The following ADAMTS17 variants were observed in gnomAD, a reference collection of about 807,000 sequenced individuals.
ADAMTS17 encodes ADAM metallopeptidase with thrombospondin type 1 motif 17, also known as A disintegrin and metalloproteinase with thrombospondin motifs 17.
In ADAMTS17, 113 loss-of-function variants were observed where a neutral mutation model predicts 141.5. The ratio of observed to expected loss-of-function variants is 0.80; its 90% CI spans 0.69 to 0.93. ADAMTS17 has a LOEUF of 0.93. ADAMTS17 is among the 40% of genes least tolerant of loss of function. The pLI is 0.00. For synonymous variants in ADAMTS17, 768 were observed against 630.6 expected, an observed-to-expected ratio of 1.22 and a Z score of -3.27; for missense variants, 1,659 against 1,517.9, an observed-to-expected ratio of 1.09 and a Z score of -1.54.
At chr15:100,294,059 C>T (rs72757226) in intron 3 of ADAMTS17, among the ~76,000 whole-genome samples, 2,787 of 152,228 alleles carry the variant, frequency 0.018, 42 homozygotes, top group Non-Finnish European at 0.029. Flanking sequence ...GATAATCGTT[C>T]TGCCCTCTTA....
At chr15:100,207,331 T>C (rs2141690447) in intron 7 of ADAMTS17, among the ~76,000 whole-genome samples, 1 of 152,292 alleles carries the variant, frequency 6.6e-6, no homozygotes, top group South Asian at 2.1e-4. Context: ...ACTGCGGAGT[T>C]CCAGCTTCCA....
chr15:100,269,212 G>C (rs1483913626), intron 4 of ADAMTS17, among the ~76,000 whole-genome samples: 1 of 152,158 alleles, frequency 6.6e-6, no homozygotes, highest in Non-Finnish European at 1.5e-5. Flanking sequence ...CTGGACAGCA[G>C]CCTTGGTAAA....
Position 100,132,175 on chromosome 15 carries a change from G to A in ADAMTS17, c.1576-23C>T, listed in dbSNP as rs138221264. On this transcript the variant is annotated intron_variant, in intron 11 of 21. Coordinates refer to ENST00000268070, the MANE Select transcript of ADAMTS17 (RefSeq NM_139057.4). ...CCACTGAAACACAGCGGGGAGGGTC[G>A]GGGCCCAGGCACTCAGCAGAGCTGC... 2,718 of 1,610,376 alleles carry A rather than the reference G, an allele frequency of 1.7e-3. 31 individuals are homozygous for A. The Admixed American group carries it at 0.018, about 11-fold the overall frequency.
intron 7 of ADAMTS17, among the ~76,000 whole-genome samples, chr15:100,240,477 G>C (rs542547822): frequency 6.6e-6 from 1 of 152,324 alleles, no homozygotes; most frequent in East Asian, 1.9e-4. Flanking sequence ...CTCTGCCAAA[G>C]AGCAAGACAT....
intron 20 of ADAMTS17, among the ~76,000 whole-genome samples, chr15:99,981,871 T>C (rs887055145): frequency 6.6e-6 from 1 of 152,218 alleles, no homozygotes; most frequent in African/African-American, 2.4e-5. Flanking sequence ...CATTTTCATT[T>C]GAGCTGAGGT....
At chr15:100,127,535 G>A (rs972612656) in intron 12 of ADAMTS17, among the ~76,000 whole-genome samples, 2 of 152,232 alleles carry the variant, frequency 1.3e-5, no homozygotes, top group Non-Finnish European at 2.9e-5. Flanking sequence ...CCTCGTGTGT[G>A]ACGTTGGGCA....
chr15:100,271,104 T>C (rs1405119280), intron 4 of ADAMTS17, among the ~76,000 whole-genome samples: 1 of 152,158 alleles, frequency 6.6e-6, no homozygotes, highest in African/African-American at 2.4e-5. Flanking sequence ...TGAATAATAT[T>C]CCATTATACC....
At chr15:100,269,911 C>G (rs2043845924) in intron 4 of ADAMTS17, among the ~76,000 whole-genome samples, 1 of 152,204 alleles carries the variant, frequency 6.6e-6, no homozygotes, top group South Asian at 2.1e-4. Flanking sequence ...TCAGCCAGCC[C>G]AGATCCAGCC....
rs74037589 is a variant in ADAMTS17 at position 100,230,944 on chromosome 15, G to A, written c.1075+23192C>T. Among the ~76,000 whole-genome samples the A allele has an allele frequency of 5.2e-3, 795 of 152,282 alleles. 3 individuals are homozygous for A. The highest frequency in any genetic ancestry group is 0.017 in the African/African-American group (704 of 41,560). ...GAACAGCCCACGGGGGGAGGAGACA[G>A]AGGGATTAGCAATAAAGCAAGGTAT... On this transcript the variant is annotated intron_variant, in intron 7 of 21. Transcript: ENST00000268070.
intron 18 of ADAMTS17, among the ~76,000 whole-genome samples, chr15:100,017,145 G>A (rs7174575): frequency 0.029 from 4,440 of 152,186 alleles, 103 homozygotes; most frequent in African/African-American, 0.071. Context: ...CAGGGAAGTG[G>A]GGGAAAGCCG....
chr15:100,269,477 C>G (rs1448401460), intron 4 of ADAMTS17, among the ~76,000 whole-genome samples: 1 of 152,208 alleles, frequency 6.6e-6, no homozygotes, highest in Non-Finnish European at 1.5e-5. Context: ...AGGGGCCAAA[C>G]AGCATCTATT....
At chr15:100,332,347 C>T (rs759341239) in intron 2 of ADAMTS17, among the ~76,000 whole-genome samples, 10 of 152,258 alleles carry the variant, frequency 6.6e-5, no homozygotes, top group Non-Finnish European at 1.3e-4. Context: ...GTGCGCGATG[C>T]GGCCTCGGTG....
chr15:100,262,782 T>TAAAAAAA (rs201067774), intron 4 of ADAMTS17, among the ~76,000 whole-genome samples: 2 of 111,240 alleles, frequency 1.8e-5, no homozygotes, highest in Non-Finnish European at 3.7e-5. Flanking sequence ...CTTCCAGTAC[T>TAAAAAAA]AAAAAAAAAA....
At chr15:100,268,635 G>A (rs1055112627) in intron 4 of ADAMTS17, among the ~76,000 whole-genome samples, 1 of 152,124 alleles carries the variant, frequency 6.6e-6, no homozygotes, top group African/African-American at 2.4e-5. Context: ...ACTTTTTAAT[G>A]GGGTTGCTTT....
intron 8 of ADAMTS17, among the ~76,000 whole-genome samples, chr15:100,165,831 C>G (rs77298515): frequency 0.019 from 2,893 of 152,254 alleles, 123 homozygotes; most frequent in East Asian, 0.17. Flanking sequence ...CCTCTGCCCC[C>G]CCTCAGGACA....
At chr15:100,038,425 A>G (rs912402384) in intron 18 of ADAMTS17, among the ~76,000 whole-genome samples, 2 of 152,224 alleles carry the variant, frequency 1.3e-5, no homozygotes, top group Non-Finnish European at 2.9e-5. Context: ...ATTTTGATAG[A>G]GATTGCACTA....
intron 18 of ADAMTS17, among the ~76,000 whole-genome samples, chr15:100,044,758 A>G (rs1596292667): frequency 6.6e-6 from 1 of 152,170 alleles, no homozygotes; most frequent in East Asian, 1.9e-4. Flanking sequence ...ACTAATCAAC[A>G]GCAGCACTGC....
intron 7 of ADAMTS17, among the ~76,000 whole-genome samples, chr15:100,218,397 A>C (rs76883316): frequency 6.6e-6 from 1 of 152,232 alleles, no homozygotes; most frequent in Non-Finnish European, 1.5e-5. Flanking sequence ...AATAAAAACC[A>C]AACACAATTT....
chr15:100,097,199 G>A (rs992008662), intron 14 of ADAMTS17, among the ~76,000 whole-genome samples: 1 of 152,124 alleles, frequency 6.6e-6, no homozygotes, highest in Non-Finnish European at 1.5e-5. Context: ...TTTGTATCCT[G>A]CAAAATAACC....
Sources: allele counts gnomAD v4.1 joint callset (sites outside exome capture counted in the v4.1 genomes callset), GRCh38; gene constraint gnomAD v4.1.1; transcripts MANE v1.5; gene names NCBI Gene and HGNC (gene_info 2026-07-23, HGNC 2026-07-21).